The following ASB15 variants were observed in gnomAD, a reference collection of about 807,000 sequenced individuals.
ASB15 encodes ankyrin repeat and SOCS box containing 15, also known as ankyrin repeat and SOCS box protein 15.
Under a neutral mutation model 58.0 loss-of-function variants are expected in ASB15, and 54 were observed. The observed-to-expected ratio is 0.93, with a 90% CI of 0.75 to 1.17. The LOEUF (loss-of-function observed/expected upper bound fraction) is 1.17. Among genes scored for constraint, ASB15 ranks in the 50% most tolerant of loss-of-function variants. ASB15 has a pLI of 0.00. For synonymous variants in ASB15, 249 were observed against 262.4 expected, an observed-to-expected ratio of 0.95 and a Z score of 0.50; for missense variants, 680 against 707.4, an observed-to-expected ratio of 0.96 and a Z score of 0.44.
chr7:123,592,163 T>G (rs1202285289), intron 1 of ASB15, among the ~76,000 whole-genome samples: 1 of 152,242 alleles, frequency 6.6e-6, no homozygotes, highest in Non-Finnish European at 1.5e-5. Flanking sequence ...TCATTTTTTA[T>G]TGCATCTATT....
chr7:123,602,545 C>T (rs775525565), intron 1 of ASB15, among the ~76,000 whole-genome samples: 2 of 152,068 alleles, frequency 1.3e-5, no homozygotes, highest in Non-Finnish European at 2.9e-5. Flanking sequence ...TTGACTTCCA[C>T]GAAGTAAAGC....
At chr7:123,635,738 G>A (rs1365343731) in intron 11 of ASB15, among the ~76,000 whole-genome samples, 1 of 151,066 alleles carries the variant, frequency 6.6e-6, no homozygotes, top group African/African-American at 2.4e-5. Context: ...CTATGAGTGT[G>A]ATTAACCACT....
At chr7:123,604,846 C>T (rs1335120260) in intron 2 of ASB15, among the ~76,000 whole-genome samples, 1 of 152,110 alleles carries the variant, frequency 6.6e-6, no homozygotes, top group East Asian at 1.9e-4. Flanking sequence ...TACTAGAATC[C>T]TACTTTCCCA....
At chr7:123,575,060 CTT>C (rs34567714) in intron 1 of ASB15, among the ~76,000 whole-genome samples, 1 of 133,676 alleles carries the variant, frequency 7.5e-6, no homozygotes, top group Non-Finnish European at 1.6e-5. Flanking sequence ...GGTATGTTTC[CTT>C]TTTTTTTTTT....
At chr7:123,631,665 C>T (rs1361804990) in intron 11 of ASB15, among the ~76,000 whole-genome samples, 3 of 152,090 alleles carry the variant, frequency 2.0e-5, no homozygotes, top group Non-Finnish European at 4.4e-5. Flanking sequence ...CCTCAGAGAT[C>T]TAACCACCAT....
At chr7:123,570,570 C>A (rs940800) in intron 1 of ASB15, among the ~76,000 whole-genome samples, 19,112 of 152,192 alleles carry the variant, frequency 0.13, 1,364 homozygotes, top group Admixed American at 0.19. Context: ...GACGTCCTCA[C>A]TCACTCTAGC....
At chr7:123,621,434 C>T (rs1801316270) in intron 7 of ASB15, 1 of 152,088 alleles carries the variant, frequency 6.6e-6, no homozygotes, top group African/African-American at 2.4e-5. Flanking sequence ...GCCAAGTCTT[C>T]TTAGGTTTTA....
intron 2 of ASB15, among the ~76,000 whole-genome samples, chr7:123,607,285 T>C (rs1346066667): frequency 1.3e-5 from 2 of 152,214 alleles, no homozygotes; most frequent in Non-Finnish European, 2.9e-5. Flanking sequence ...ACACTTTACA[T>C]ATAATGTTAA....
chr7:123,614,521 C>G lies in ASB15; in HGVS notation c.19C>G (p.Pro7Ala). 3 of 1,604,966 alleles carry G rather than the reference C, an allele frequency of 1.9e-6. No homozygotes were observed. Among genetic ancestry groups the G allele is most frequent in the Non-Finnish European group, 2.6e-6 (3 of 1,172,314 alleles). ...TGCAGGAATGGATACTAATGATGAC[C>G]CTGATGAAGACCATCTTACAAGTTA... MDTNDDPDEDHLTSYDI... is the reference protein window; with the variant it reads MDTNDDADEDHLTSYDI... The change falls in exon 4 of 12, where the codon CCT (proline) becomes GCT (alanine). Residue 7 changes from proline to alanine, a missense_variant. Coordinates refer to ENST00000451215, the MANE Select transcript of ASB15 (RefSeq NM_001290258.2).
At chr7:123,593,954 A>G in intron 1 of ASB15, among the ~76,000 whole-genome samples, 1 of 151,942 alleles carries the variant, frequency 6.6e-6, no homozygotes, top group East Asian at 1.9e-4. Context: ...ATAGTCCCAT[A>G]TTTCTTGGAG....
At chr7:123,571,058 G>T (rs1381745373) in intron 1 of ASB15, among the ~76,000 whole-genome samples, 2 of 152,104 alleles carry the variant, frequency 1.3e-5, no homozygotes, top group African/African-American at 2.4e-5. Flanking sequence ...CTGCGTTCCA[G>T]GTCATTTGGG....
At chr7:123,578,879 A>G (rs892415996) in intron 1 of ASB15, among the ~76,000 whole-genome samples, 2 of 152,142 alleles carry the variant, frequency 1.3e-5, no homozygotes, top group Non-Finnish European at 2.9e-5. Context: ...ACATAAACCT[A>G]TGACAATGTA....
chr7:123,620,503 CATACATATATAT>C (rs1484479787), intron 7 of ASB15, among the ~76,000 whole-genome samples: 585 of 53,016 alleles, frequency 0.011, 8 homozygotes, highest in Middle Eastern at 0.017. Flanking sequence ...GACACATATA[CATACATATATAT>C]ATATATATAT....
chr7:123,617,609 C>T lies in ASB15; in HGVS notation c.323C>T (p.Thr108Ile), dbSNP rs1800908602. The T allele has an allele frequency of 1.2e-6, 2 of 1,611,522 alleles. No homozygotes were observed. The highest frequency in any genetic ancestry group is 1.1e-5 in the South Asian group (1 of 91,020). Residue 108 changes from threonine (T) to isoleucine (I), a missense_variant, in exon 7 of 12, where the codon ACC (threonine) becomes ATC (isoleucine). Coordinates refer to ENST00000451215, the MANE Select transcript of ASB15 (RefSeq NM_001290258.2). ...ASYKTLWEFK[T>I]CDGETPLTLA... ...TATAAGACACTCTGGGAATTCAAGA[C>T]CTGTGATGGAGAAACACCCTTGACT...
chr7:123,619,617 G>A (rs1047745510), intron 7 of ASB15, among the ~76,000 whole-genome samples: 3 of 152,038 alleles, frequency 2.0e-5, no homozygotes, highest in Middle Eastern at 3.2e-3. Flanking sequence ...TCTGCCTCCC[G>A]GGTTCAAGCC....
chr7:123,570,635 T>G (rs1282584714), intron 1 of ASB15, among the ~76,000 whole-genome samples: 1 of 152,176 alleles, frequency 6.6e-6, no homozygotes, highest in Non-Finnish European at 1.5e-5. Context: ...CTTGACAAAT[T>G]ATAGGCCTTA....
chr7:123,575,489 C>T (rs1181805868), intron 1 of ASB15, among the ~76,000 whole-genome samples: 1 of 152,034 alleles, frequency 6.6e-6, no homozygotes, highest in Admixed American at 6.6e-5. Flanking sequence ...AATTGTATCA[C>T]TTCTGTATTG....
rs745652824 is a variant in ASB15, at chr7:123,629,265, A to T, written c.1271A>T (p.Tyr424Phe). ...NDTRFPSVIQ[Y>F]ALNDEVMLRL... is the part of the protein sequence containing the mutation. ...ACTCGTTTCCCCAGTGTCATTCAAT[A>T]TGCTCTAAACGACGAGGTAATGCTG... is the stretch of plus-strand genomic sequence containing the variant. Residue 424 changes from tyrosine (Y) to phenylalanine (F), a missense_variant, in exon 10 of 12, where the codon TAT becomes TTT. Tyr to Phe is a conservative substitution (Grantham distance 22). Coordinates refer to ENST00000451215, the MANE Select transcript of ASB15 (RefSeq NM_001290258.2). 1.9e-6 allele frequency: 3 copies of T among 1,614,034 alleles called. No homozygotes were observed. In the Admixed American group the frequency reaches 5.0e-5, roughly 27 times the overall value.
chr7:123,617,261 T>C (rs1408176182), intron 6 of ASB15, among the ~76,000 whole-genome samples: 3 of 152,166 alleles, frequency 2.0e-5, no homozygotes, highest in African/African-American at 7.2e-5. Flanking sequence ...AAAAAAACAA[T>C]TTCAGTTACA....
Sources: allele counts gnomAD v4.1 joint callset (sites outside exome capture counted in the v4.1 genomes callset), GRCh38; gene constraint gnomAD v4.1.1; transcripts MANE v1.5; gene names NCBI Gene and HGNC (gene_info 2026-07-23, HGNC 2026-07-21).